The following PARP16 variants were observed in gnomAD, a reference collection of about 807,000 sequenced individuals.
The protein encoded by PARP16 is poly(ADP-ribose) polymerase family member 16.
A neutral mutation model predicts 35.0 loss-of-function variants in PARP16; 31 were observed. The observed-to-expected ratio is 0.88, with a 90% confidence interval of 0.66 to 1.19. PARP16 has a LOEUF of 1.19. Ranked by LOEUF, PARP16 falls within the 50% of genes most tolerant of loss-of-function variation. The pLI is 0.00. For synonymous variants in PARP16, 162 were observed against 169.5 expected, an observed-to-expected ratio of 0.96 and a Z score of 0.34; for missense variants, 424 against 411.2, an observed-to-expected ratio of 1.03 and a Z score of -0.27.
intron 4 of PARP16, among the ~76,000 whole-genome samples, chr15:65,261,734 AG>A (rs2140849956): frequency 6.6e-6 from 1 of 152,330 alleles, no homozygotes; most frequent in African/African-American, 2.4e-5. Flanking sequence ...CTGGGATTAC[AG>A]GCATGAGCCA....
At chr15:65,248,166 C>A (rs1352158715) in exon 3 of PARP16, 1 of 456,142 alleles carries the variant, frequency 2.2e-6, no homozygotes, top group East Asian at 6.9e-5. Flanking sequence ...CCTGGGCCCA[C>A]CCTTTAGATG....
chr15:65,272,029 TGA>T (rs1377796952), intron 1 of PARP16, among the ~76,000 whole-genome samples: 2 of 152,210 alleles, frequency 1.3e-5, no homozygotes, highest in Non-Finnish European at 2.9e-5. Context: ...TTCTCATGAG[TGA>T]GACCAGCCTC....
intron 3 of PARP16, among the ~76,000 whole-genome samples, chr15:65,236,629 G>T (rs1167778748): frequency 1.3e-5 from 2 of 152,224 alleles, no homozygotes; most frequent in Non-Finnish European, 2.9e-5. Context: ...CTAGGGCCAG[G>T]CCCCTGGGCA....
At chr15:65,285,446 GT>G (rs2090561817) in intron 1 of PARP16, 1 of 325,372 alleles carries the variant, frequency 3.1e-6, no homozygotes, top group Admixed American at 3.3e-5. Context: ...GCCCCTCCAA[GT>G]TTTTAACAGT....
At chr15:65,274,388 G>A (rs1007887230) in intron 1 of PARP16, among the ~76,000 whole-genome samples, 1 of 151,524 alleles carries the variant, frequency 6.6e-6, no homozygotes, top group Non-Finnish European at 1.5e-5. Flanking sequence ...TGGCGAAACC[G>A]CATCTCCACA....
chr15:65,247,299 C>T (rs569612252), intron 3 of PARP16, among the ~76,000 whole-genome samples: 1 of 152,292 alleles, frequency 6.6e-6, no homozygotes, highest in South Asian at 2.1e-4. Flanking sequence ...CTGGCCCATG[C>T]TCAACACTTT....
downstream of PARP16, among the ~76,000 whole-genome samples, chr15:65,255,390 A>G (rs2089468934): frequency 6.6e-6 from 1 of 152,200 alleles, no homozygotes; most frequent in African/African-American, 2.4e-5. Context: ...GTACATAAAT[A>G]TATTCATTTT....
chr15:65,259,492 A>G lies in PARP16; in HGVS notation c.884T>C (p.Ile295Thr), dbSNP rs1163429686. 1 of 1,613,722 alleles carries G rather than the reference A, an allele frequency of 6.2e-7. No individual in the cohort carries two copies. Among genetic ancestry groups the G allele is most frequent in the African/African-American group, 1.3e-5 (1 of 74,932 alleles). ...GAGCAGCAGCAGCAGATACAGGGAT[A>G]TCATGACGGTAAACCAATGGCTGGA... is the stretch of plus-strand genomic sequence containing the variant. ...WFSSHWFTVM[I>T]SLYLLLLLIV... Residue 295 changes from isoleucine (I) to threonine (T), a missense_variant, in exon 6 of 6, where the codon ATA (isoleucine) becomes ACA (threonine). Transcript: ENST00000649807.
downstream of PARP16, among the ~76,000 whole-genome samples, chr15:65,256,569 G>A (rs561338022): frequency 3.3e-5 from 5 of 151,864 alleles, no homozygotes; most frequent in East Asian, 1.9e-4. Context: ...AACCACGCCC[G>A]GCTAATTTTT....
At chr15:65,239,452 A>G (rs4542611) in intron 3 of PARP16, among the ~76,000 whole-genome samples, 1,561 of 112,940 alleles carry the variant, frequency 0.014, 34 homozygotes, top group Middle Eastern at 0.035. Context: ...AAAAAAAAAA[A>G]AGAGAGAAAA....
intron 3 of PARP16, among the ~76,000 whole-genome samples, chr15:65,246,230 A>G (rs984165648): frequency 1.3e-5 from 2 of 152,288 alleles, no homozygotes; most frequent in Admixed American, 6.5e-5. Flanking sequence ...TTGGGAGAGC[A>G]TAAGAGCTGC....
chr15:65,276,155 A>G (rs965264127), intron 1 of PARP16, among the ~76,000 whole-genome samples: 5 of 151,998 alleles, frequency 3.3e-5, no homozygotes, highest in Admixed American at 6.6e-5. Flanking sequence ...TAATTCCTCA[A>G]CTGACCTTCT....
chr15:65,284,337 CTTTTTTTTT>C (rs34254507), intron 1 of PARP16, among the ~76,000 whole-genome samples: 10 of 67,036 alleles, frequency 1.5e-4, no homozygotes, highest in Non-Finnish European at 2.7e-4. Flanking sequence ...TTTCTTTCCT[CTTTTTTTTT>C]TTTTTTTTTT....
At chr15:65,237,562 G>A (rs2088918944) in intron 3 of PARP16, among the ~76,000 whole-genome samples, 1 of 152,092 alleles carries the variant, frequency 6.6e-6, no homozygotes, top group Non-Finnish European at 1.5e-5. Flanking sequence ...CAGAAGAGGA[G>A]GAAGTAGTGT....
chr15:65,286,415 T>C lies in PARP16; in HGVS notation c.12A>G (p.Ser4=). 1 of 1,532,088 alleles carries C rather than the reference T, an allele frequency of 6.5e-7. No individual in the cohort carries two copies. The highest frequency in any genetic ancestry group is 8.7e-7 in the Non-Finnish European group (1 of 1,143,546). 94.9% of individuals were successfully genotyped at this position (1,532,088 alleles called of 1,614,324 possible). A position where few individuals can be genotyped will look rare whatever the true frequency, so the allele number is the denominator to read the frequency against. The change falls in exon 1 of 6, where the codon TCA becomes TCG. Residue 4 remains serine, a synonymous_variant. Coordinates refer to ENST00000649807, the MANE Select transcript of PARP16 (RefSeq NM_001316943.2). Reference sequence around the variant, plus strand: ...CCGCCTCCCTGGCGGCCGCCCAGCCTGAGGGCTGCATCCCAGGTCACTGCG... The same window carrying C: ...CCGCCTCCCTGGCGGCCGCCCAGCCCGAGGGCTGCATCCCAGGTCACTGCG... MQP[S]GWAAAREAAG...
At chr15:65,284,405 C>A (rs748391735) in intron 1 of PARP16, among the ~76,000 whole-genome samples, 2 of 124,308 alleles carry the variant, frequency 1.6e-5, no homozygotes, top group Non-Finnish European at 3.1e-5. Context: ...TGCAGTGGGG[C>A]GATCTCGGCT....
At chr15:65,231,121 C>A (rs954341806), downstream of PARP16, among the ~76,000 whole-genome samples, 1 of 152,134 alleles carries the variant, frequency 6.6e-6, no homozygotes, top group African/African-American at 2.4e-5. Context: ...CTCCTGACAT[C>A]AGGTGATCTC....
At chr15:65,276,988 A>T (rs1195311117) in intron 1 of PARP16, among the ~76,000 whole-genome samples, 1 of 152,086 alleles carries the variant, frequency 6.6e-6, no homozygotes, top group African/African-American at 2.4e-5. Context: ...ATCTAAAAAA[A>T]AAAAAAAAAT....
downstream of PARP16, among the ~76,000 whole-genome samples, chr15:65,232,765 T>G (rs971756089): frequency 6.6e-6 from 1 of 151,404 alleles, no homozygotes; most frequent in African/African-American, 2.4e-5. Context: ...AATAAATAAA[T>G]AAAAAATGGG....
Sources: allele counts gnomAD v4.1 joint callset (sites outside exome capture counted in the v4.1 genomes callset), GRCh38; gene constraint gnomAD v4.1.1; transcripts MANE v1.5; gene names NCBI Gene and HGNC (gene_info 2026-07-23, HGNC 2026-07-21).